The following LRRC31 variants were observed in gnomAD, a reference collection of about 807,000 sequenced individuals.
The protein encoded by LRRC31 is leucine rich repeat containing 31.
Under a neutral mutation model 46.7 loss-of-function variants are expected in LRRC31, and 35 were observed. The observed-to-expected ratio is 0.75, with a 90% CI of 0.57 to 0.99. LRRC31 has a LOEUF of 0.99. Among genes scored for constraint, LRRC31 ranks in the 50% least tolerant of loss-of-function variants. The pLI is 0.00. For synonymous variants in LRRC31, 236 were observed against 235.1 expected (o/e 1.00, Z -0.03); for missense variants, 613 against 626.1 (o/e 0.98, Z 0.22).
intron 7 of LRRC31, among the ~76,000 whole-genome samples, chr3:169,848,922 G>C (rs1304187076): frequency 6.6e-6 from 1 of 152,160 alleles, no homozygotes; most frequent in African/African-American, 2.4e-5. Flanking sequence ...ATGTGTCCTG[G>C]TTGGTACATA....
chr3:169,842,869 A>T (rs749718867), intron 8 of LRRC31, among the ~76,000 whole-genome samples: 1 of 152,198 alleles, frequency 6.6e-6, no homozygotes, highest in Non-Finnish European at 1.5e-5. Context: ...AAATAACTTA[A>T]ATATATTTAA....
At chr3:169,850,864 G>C (rs1780739669) in intron 7 of LRRC31, among the ~76,000 whole-genome samples, 1 of 152,128 alleles carries the variant, frequency 6.6e-6, no homozygotes, top group Non-Finnish European at 1.5e-5. Flanking sequence ...AAGAGACTTG[G>C]TAGCACTTTT....
intron 8 of LRRC31, among the ~76,000 whole-genome samples, chr3:169,844,115 A>G (rs1462113467): frequency 6.6e-6 from 1 of 152,186 alleles, no homozygotes; most frequent in African/African-American, 2.4e-5. Flanking sequence ...GTATGAGGCT[A>G]CCTATACCCT....
intron 1 of LRRC31, among the ~76,000 whole-genome samples, chr3:169,864,028 GT>G (rs1269858490): frequency 6.9e-6 from 1 of 143,994 alleles, no homozygotes; most frequent in Admixed American, 6.7e-5. Flanking sequence ...GTGTGTGTGT[GT>G]TATTTTTGTA....
intron 8 of LRRC31, among the ~76,000 whole-genome samples, chr3:169,846,681 C>T (rs893087765): frequency 1.3e-5 from 2 of 151,878 alleles, no homozygotes; most frequent in East Asian, 1.9e-4. Context: ...GACATGCACA[C>T]ACCTCATGAG....
chr3:169,841,532 C>T (rs570930511), intron 8 of LRRC31, among the ~76,000 whole-genome samples: 112 of 152,252 alleles, frequency 7.4e-4, no homozygotes, highest in African/African-American at 2.6e-3. Context: ...CTTCCTGTCT[C>T]GCAACATTAA....
At chr3:169,861,143 C>T (rs1781139550) in intron 2 of LRRC31, among the ~76,000 whole-genome samples, 1 of 146,550 alleles carries the variant, frequency 6.8e-6, no homozygotes. Context: ...GATCTTGGCT[C>T]ACTGCAACCT....
intron 8 of LRRC31, among the ~76,000 whole-genome samples, chr3:169,847,478 C>T (rs1780641059): frequency 6.6e-6 from 1 of 152,240 alleles, no homozygotes; most frequent in Admixed American, 6.5e-5. Context: ...AGCCACCGTG[C>T]CCAGACACAT....
intron 3 of LRRC31, among the ~76,000 whole-genome samples, chr3:169,859,152 G>T (rs187462149): frequency 1.8e-4 from 26 of 146,074 alleles, no homozygotes. Flanking sequence ...AAAATTAGCC[G>T]GGCATGGTGG....
chr3:169,861,769 T>A lies in LRRC31; in HGVS notation c.220A>T (p.Lys74Ter). ...SEMEWRSSME[K>*]NEHFLQKLGK... ...AGCTTCTGCAGGAAATGCTCATTTTTCTCCATACTGGATCTCCATTCCATT... is the reference window on the plus strand; with the variant it reads ...AGCTTCTGCAGGAAATGCTCATTTTACTCCATACTGGATCTCCATTCCATT... The change falls in exon 2 of 9, where the codon AAA becomes TAA. Residue 74 changes from lysine to a stop codon, truncating the protein, a stop_gained. Transcript: ENST00000316428. LOFTEE classifies it high-confidence loss of function. 2 of 1,614,160 alleles carry A rather than the reference T, an allele frequency of 1.2e-6. No homozygotes were observed. Among genetic ancestry groups the A allele is most frequent in the Admixed American group, 1.7e-5 (1 of 60,020 alleles).
chr3:169,859,913 T>C (rs1418477057), intron 3 of LRRC31, among the ~76,000 whole-genome samples: 4 of 151,908 alleles, frequency 2.6e-5, no homozygotes, highest in Non-Finnish European at 1.5e-5. Context: ...GAGGCCAAGG[T>C]GAGTGGATTC....
chr3:169,847,326 C>G (rs1780635960), intron 8 of LRRC31, among the ~76,000 whole-genome samples: 1 of 152,144 alleles, frequency 6.6e-6, no homozygotes. Flanking sequence ...GCTGGGATTA[C>G]AGGCATGTGC....
At chr3:169,855,120 T>G in intron 5 of LRRC31, 140 bp from the exon 6 acceptor site, 1 of 624,298 alleles carries the variant, frequency 1.6e-6, no homozygotes. Context: ...GTGAGATCCA[T>G]CTCTTAAAAA....
intron 3 of LRRC31, among the ~76,000 whole-genome samples, chr3:169,857,349 C>T (rs866045518): frequency 0.085 from 6,608 of 77,666 alleles, 375 homozygotes; most frequent in East Asian, 0.16. Context: ...TATATATACA[C>T]ACACACACAC....
At chr3:169,855,100 G>A (rs545062259) in intron 5 of LRRC31, 120 bp from the exon 6 acceptor site, 6 of 774,254 alleles carry the variant, frequency 7.7e-6, no homozygotes, top group Admixed American at 2.4e-5. Context: ...AGTCCAGCTT[G>A]GGCAGCATAG....
intron 2 of LRRC31, 102 bp from the exon 3 acceptor site, chr3:169,860,830 A>G (rs1012548558): frequency 1.6e-6 from 2 of 1,216,578 alleles, no homozygotes; most frequent in African/African-American, 1.5e-5. Context: ...TTTACACTGT[A>G]AGAGAATAGA....
intron 1 of LRRC31, among the ~76,000 whole-genome samples, chr3:169,867,047 G>GTT (rs1560636105): frequency 3.2e-5 from 3 of 92,644 alleles, no homozygotes; most frequent in African/African-American, 2.9e-4. Context: ...GGTTTTTTTT[G>GTT]TTTGTTTGTT....
intron 3 of LRRC31, 21 bp downstream of exon 3, chr3:169,860,540 T>C (rs765005266): frequency 6.2e-7 from 1 of 1,613,586 alleles, no homozygotes; most frequent in Non-Finnish European, 8.5e-7. Flanking sequence ...ATCCATCTTT[T>C]AAGAAATGCA....
chr3:169,861,111 C>T (rs1251750499), intron 2 of LRRC31, among the ~76,000 whole-genome samples: 1 of 147,096 alleles, frequency 6.8e-6, no homozygotes, highest in Non-Finnish European at 1.5e-5. Flanking sequence ...CGATCTGTCG[C>T]CAGGCTGGAG....
Sources: allele counts gnomAD v4.1 joint callset (sites outside exome capture counted in the v4.1 genomes callset), GRCh38; gene constraint gnomAD v4.1.1; transcripts MANE v1.5; gene names NCBI Gene and HGNC (gene_info 2026-07-23, HGNC 2026-07-21).